CCDC148: variants seen among roughly 807,000 people sequenced by gnomAD.
CCDC148 encodes coiled-coil domain containing 148.
Under a neutral mutation model 85.7 loss-of-function variants are expected in CCDC148, and 89 were observed. That is an observed-to-expected ratio of 1.04 (90% CI 0.87 to 1.24). The LOEUF (loss-of-function observed/expected upper bound fraction) is 1.24. CCDC148 is among the 50% of genes most tolerant of loss of function. The pLI, the probability that CCDC148 is intolerant of heterozygous loss-of-function variation, is 0.00. For missense variants in CCDC148, 692 were observed against 671.7 expected, an observed-to-expected ratio of 1.03 and a Z score of -0.33; for synonymous variants, 230 against 213.9, an observed-to-expected ratio of 1.08 and a Z score of -0.66.
intron 11 of CCDC148, among the ~76,000 whole-genome samples, chr2:158,183,788 G>A (rs548455003): frequency 3.3e-4 from 50 of 152,208 alleles, no homozygotes; most frequent in East Asian, 3.1e-3. Flanking sequence ...GGCATGTGCT[G>A]GAGGTGCTAC....
At chr2:158,357,409 T>A (rs1683717689) in intron 2 of CCDC148, among the ~76,000 whole-genome samples, 1 of 152,118 alleles carries the variant, frequency 6.6e-6, no homozygotes, top group African/African-American at 2.4e-5. Context: ...TGTGATAGAC[T>A]ATTAGGGAGA....
intron 8 of CCDC148, among the ~76,000 whole-genome samples, chr2:158,310,926 G>A (rs113854705): frequency 5.3e-5 from 8 of 151,478 alleles, no homozygotes; most frequent in African/African-American, 1.9e-4. Flanking sequence ...GGGCGGCCGG[G>A]CAGAGACGCT....
intron 11 of CCDC148, among the ~76,000 whole-genome samples, chr2:158,210,189 C>T (rs997661352): frequency 2.6e-5 from 4 of 151,954 alleles, no homozygotes; most frequent in African/African-American, 9.7e-5. Context: ...AGACTTTAAA[C>T]CAACAAAGAT....
intron 9 of CCDC148, among the ~76,000 whole-genome samples, chr2:158,287,545 A>G (rs1178114300): frequency 6.6e-6 from 1 of 152,170 alleles, no homozygotes; most frequent in East Asian, 1.9e-4. Context: ...CACAAGTCCA[A>G]AATCCAGCAG....
At chr2:158,173,906 ATAGC>A (rs1212294354) in intron 13 of CCDC148, among the ~76,000 whole-genome samples, 3 of 151,922 alleles carry the variant, frequency 2.0e-5, no homozygotes, top group African/African-American at 7.3e-5. Flanking sequence ...CAATTTTTGC[ATAGC>A]TAGAGAGTGA....
intron 11 of CCDC148, among the ~76,000 whole-genome samples, chr2:158,219,754 G>A (rs768326707): frequency 7.2e-5 from 11 of 152,070 alleles, no homozygotes; most frequent in African/African-American, 1.2e-4. Context: ...CTATCTTAAC[G>A]CACCCAAGAA....
At chr2:158,351,923 C>T (rs1427169209) in intron 2 of CCDC148, among the ~76,000 whole-genome samples, 4 of 146,992 alleles carry the variant, frequency 2.7e-5, no homozygotes, top group South Asian at 4.4e-4. Flanking sequence ...TGACCCCTGA[C>T]CCCTGAGCAG....
At chr2:158,303,642 C>T (rs1691550458) in intron 9 of CCDC148, among the ~76,000 whole-genome samples, 1 of 152,202 alleles carries the variant, frequency 6.6e-6, no homozygotes. Flanking sequence ...AACACCCTCT[C>T]TAGAAAAAAC....
chr2:158,301,207 T>C lies in CCDC148; in HGVS notation c.1110+8226A>G, dbSNP rs190359767. On this transcript the variant is annotated intron_variant, in intron 9 of 13. Transcript: ENST00000283233. ...TTCTGCCTGCAATTTAGAGAAAGGG[T>C]TTCTCAAGGGCAGAATGTGAAACAT... is the stretch of plus-strand genomic sequence containing the variant. 5.1e-4 allele frequency among the ~76,000 whole-genome samples: 78 copies of C among 152,198 alleles called. 1 individual carries two copies. Among genetic ancestry groups the C allele is most frequent in the Non-Finnish European group, 5.7e-4 (39 of 68,006 alleles).
At chr2:158,230,703 G>A (rs899091155) in intron 10 of CCDC148, among the ~76,000 whole-genome samples, 4 of 152,222 alleles carry the variant, frequency 2.6e-5, no homozygotes, top group South Asian at 4.1e-4. Flanking sequence ...AGTGGAGCAC[G>A]GGTAGTAGAG....
At chr2:158,217,368 G>GTTTATATATATATATATATATA (rs1558990175) in intron 11 of CCDC148, among the ~76,000 whole-genome samples, 43 of 76,108 alleles carry the variant, frequency 5.6e-4, no homozygotes, top group African/African-American at 1.7e-3. Flanking sequence ...AATTTTGTGT[G>GTTTATATATATATATATATATA]TGTGTGTATA....
chr2:158,438,891 G>A (rs183603414), intron 1 of CCDC148, among the ~76,000 whole-genome samples: 9,228 of 152,146 alleles, frequency 0.061, 407 homozygotes, highest in Admixed American at 0.11. Flanking sequence ...ATCATCACTG[G>A]CCATCAGAGA....
chr2:158,309,804 C>T (rs149346563), intron 8 of CCDC148, among the ~76,000 whole-genome samples, 165 bp from the exon 9 acceptor site: 1 of 152,280 alleles, frequency 6.6e-6, no homozygotes, highest in East Asian at 1.9e-4. Context: ...GGTACTACCG[C>T]CAAAATTCTG....
chr2:158,255,032 T>C lies in CCDC148; in HGVS notation c.1111-4120A>G, dbSNP rs367987092. 2.0e-5 allele frequency among the ~76,000 whole-genome samples: 3 copies of C among 147,880 alleles called. No individual in the cohort carries two copies. In the East Asian group the frequency reaches 5.9e-4, roughly 29 times the overall value. ...AGTTATGTTGATTTTTAAACAGTGA[T>C]GTACACACCAGAAAATCCTGAAACA... On this transcript the variant is annotated intron_variant, in intron 9 of 13. Coordinates refer to ENST00000283233, the MANE Select transcript of CCDC148 (RefSeq NM_138803.4).
intron 1 of CCDC148, among the ~76,000 whole-genome samples, chr2:158,417,759 G>C (rs536019867): frequency 3.9e-5 from 6 of 152,240 alleles, no homozygotes; most frequent in African/African-American, 1.2e-4. Flanking sequence ...GACCTGAAAT[G>C]ATAATCACAG....
intron 1 of CCDC148, among the ~76,000 whole-genome samples, chr2:158,380,574 C>A (rs1341448245): frequency 6.6e-6 from 1 of 152,098 alleles, no homozygotes; most frequent in Non-Finnish European, 1.5e-5. Flanking sequence ...ACAATCTCAA[C>A]TGAAATCCTA....
At chr2:158,290,512 A>G (rs1364954682) in intron 9 of CCDC148, among the ~76,000 whole-genome samples, 1 of 152,194 alleles carries the variant, frequency 6.6e-6, no homozygotes, top group South Asian at 2.1e-4. Context: ...CTTTGCTTAG[A>G]ATACACCTCC....
intron 1 of CCDC148, among the ~76,000 whole-genome samples, chr2:158,452,388 T>C (rs1437427236): frequency 6.6e-6 from 1 of 152,212 alleles, no homozygotes; most frequent in African/African-American, 2.4e-5. Flanking sequence ...CCTTTCCTGG[T>C]AGTAGAGAGG....
chr2:158,258,651 C>T (rs1689100982), intron 9 of CCDC148, among the ~76,000 whole-genome samples: 1 of 151,760 alleles, frequency 6.6e-6, no homozygotes, highest in Non-Finnish European at 1.5e-5. Context: ...AGTTCTGTTG[C>T]CTATTACTCC....
Sources: allele counts gnomAD v4.1 joint callset (sites outside exome capture counted in the v4.1 genomes callset), GRCh38; gene constraint gnomAD v4.1.1; transcripts MANE v1.5; gene names NCBI Gene and HGNC (gene_info 2026-07-23, HGNC 2026-07-21).